Variants in MIEF1 observed in about 807,000 individuals in gnomAD.
The protein encoded by MIEF1 is mitochondrial elongation factor 1.
In MIEF1, 14 loss-of-function variants were observed where a neutral mutation model predicts 35.1. That is an observed-to-expected ratio of 0.40 (90% CI 0.26 to 0.62). The LOEUF (loss-of-function observed/expected upper bound fraction) is 0.62. Ranked by LOEUF, MIEF1 falls within the 20% of genes least tolerant of loss-of-function variation. The pLI is 0.43. For missense variants in MIEF1, 542 were observed against 615.4 expected, an observed-to-expected ratio of 0.88 and a Z score of 1.26; for synonymous variants, 245 against 254.3, an observed-to-expected ratio of 0.96 and a Z score of 0.35.
chr22:39,503,942 G>C (rs1929884773), intron 1 of MIEF1: 1 of 308,212 alleles, frequency 3.2e-6, no homozygotes, highest in Non-Finnish European at 5.9e-6. Context: ...TGCTCAGCGG[G>C]GGTTCAGTCC....
Position 39,515,734 on chromosome 22 carries a change from G to A in MIEF1, c.*1411G>A, listed in dbSNP as rs1204433558. ...TCTTGGTTTGTGTTTTTCCCTGTTT[G>A]TAGCAAGACTCTGATGATAATTCTG... is the stretch of plus-strand genomic sequence containing the variant. On this transcript the variant is annotated 3_prime_UTR_variant, in exon 6 of 6. Coordinates refer to ENST00000325301, the MANE Select transcript of MIEF1 (RefSeq NM_019008.6). 1 of 207,974 alleles carries A rather than the reference G, an allele frequency of 4.8e-6. No individual in the cohort carries two copies. The highest frequency in any genetic ancestry group is 9.7e-6 in the Non-Finnish European group (1 of 103,186). 12.9% of individuals were successfully genotyped at this position (207,974 alleles called of 1,614,324 possible).
chr22:39,515,395 C>G lies in MIEF1; in HGVS notation c.*1072C>G, dbSNP rs992040151. ...CTAGGATGTGGCCTTAGAGCAAGAA[C>G]AGACCCAACAGCCAGCCCTTCATCC... On this transcript the variant is annotated 3_prime_UTR_variant, in exon 6 of 6. Coordinates refer to ENST00000325301, the MANE Select transcript of MIEF1 (RefSeq NM_019008.6). The G allele has an allele frequency of 4.2e-6, 3 of 710,062 alleles. No homozygotes were observed. Among genetic ancestry groups the G allele is most frequent in the African/African-American group, 3.5e-5 (2 of 57,064 alleles). 44.0% of individuals were successfully genotyped at this position (710,062 alleles called of 1,614,324 possible).
Position 39,514,524 on chromosome 22 carries a change from A to G in MIEF1, c.*201A>G, listed in dbSNP as rs563265972. The G allele has an allele frequency of 7.6e-5, 46 of 608,608 alleles. 1 individual carries two copies. The South Asian group carries it at 8.3e-4, about 11-fold the overall frequency. The allele number at this position is 608,608 out of a possible 1,614,324, so 37.7% of individuals were successfully genotyped here. On this transcript the variant is annotated 3_prime_UTR_variant, in exon 6 of 6. Transcript: ENST00000325301. ...CCAACTCTTCCTATTTTTGTTACCAATCACTGTGCTCTCTGCCGCCCCCTG... is the reference window on the plus strand; with the variant it reads ...CCAACTCTTCCTATTTTTGTTACCAGTCACTGTGCTCTCTGCCGCCCCCTG...
chr22:39,507,286 C>T (rs770536337), intron 2 of MIEF1, among the ~76,000 whole-genome samples: 13 of 151,924 alleles, frequency 8.6e-5, no homozygotes, highest in Non-Finnish European at 1.8e-4. Context: ...GCTCTGTCAC[C>T]CAGGCTGGAG....
In MIEF1 at chr22:39,507,540, C is replaced by T. The variant is rs565804688; in HGVS notation, c.-8+3006C>T. On this transcript the variant is annotated intron_variant, in intron 2 of 5. Transcript: ENST00000325301. ...GATTACAGGCGTGAGCCACCGTACC[C>T]GGCCGAAAAGGCTTAACAAGCTGGC... Among the ~76,000 whole-genome samples the T allele has an allele frequency of 4.0e-5, 6 of 151,640 alleles. No individual in the cohort carries two copies. The East Asian group carries it at 8.0e-4, about 20-fold the overall frequency.
intron 2 of MIEF1, among the ~76,000 whole-genome samples, chr22:39,510,210 G>A (rs193006920): frequency 4.6e-4 from 70 of 152,140 alleles, no homozygotes; most frequent in Admixed American, 1.0e-3. Flanking sequence ...CGCCTGCCTC[G>A]GCCTCCCAAA....
chr22:39,513,395 C>T (rs1044152904), intron 5 of MIEF1, 122 bp from the exon 6 acceptor site: 59 of 1,041,964 alleles, frequency 5.7e-5, no homozygotes, highest in Non-Finnish European at 7.5e-5. Context: ...TGGGCCACTG[C>T]GCCCGGCCTA....
chr22:39,506,626 A>G lies in MIEF1; in HGVS notation c.-8+2092A>G, dbSNP rs546430723. Among the ~76,000 whole-genome samples the G allele has an allele frequency of 2.6e-5, 4 of 152,330 alleles. No individual in the cohort carries two copies. In the South Asian group the frequency reaches 6.2e-4, roughly 24 times the overall value. On this transcript the variant is annotated intron_variant, in intron 2 of 5. Transcript: ENST00000325301. ...GCAAGATAGGTTTATAAAAAGGCCT[A>G]TGGCTTTTTCAATTAAAATAAGTTG...
intron 2 of MIEF1, among the ~76,000 whole-genome samples, chr22:39,508,653 C>T (rs1414821292): frequency 1.3e-5 from 2 of 152,156 alleles, no homozygotes; most frequent in Non-Finnish European, 1.5e-5. Flanking sequence ...TAAATACAAA[C>T]GTTATCTCTT....
At chr22:39,510,108 G>A (rs1419196005) in intron 2 of MIEF1, among the ~76,000 whole-genome samples, 2 of 152,024 alleles carry the variant, frequency 1.3e-5, no homozygotes, top group Non-Finnish European at 2.9e-5. Context: ...ACAGGCATGC[G>A]CTGTCACATC....
chr22:39,505,340 G>A (rs1929964880), intron 2 of MIEF1, among the ~76,000 whole-genome samples: 1 of 152,188 alleles, frequency 6.6e-6, no homozygotes, highest in Non-Finnish European at 1.5e-5. Context: ...ATGTACCAAT[G>A]TGCTCAGCTA....
Position 39,512,357 on chromosome 22 carries a change from C to G in MIEF1, c.448C>G (p.Pro150Ala), listed in dbSNP as rs752393975. The G allele has an allele frequency of 6.2e-7, 1 of 1,614,236 alleles. No homozygotes were observed. The highest frequency in any genetic ancestry group is 1.1e-5 in the South Asian group (1 of 91,090). The change falls in exon 5 of 6, where the codon CCT becomes GCT. Residue 150 changes from proline to alanine, a missense_variant. Pro to Ala is a conservative substitution (Grantham distance 27). Transcript: ENST00000325301. ...TTACTACCGGAACCGGGCAGCCATC[C>G]CTGCTGGAGAGCAGGCTCGGGCCAA... The part of the protein sequence containing the change: ...LTYYRNRAAI[P>A]AGEQARAKQA...
In MIEF1 at chr22:39,514,016, T is replaced by C. The variant is rs1569020505; in HGVS notation, c.1085T>C (p.Leu362Pro). The C allele has an allele frequency of 6.2e-7, 1 of 1,613,604 alleles. No homozygotes were observed. The highest frequency in any genetic ancestry group is 8.5e-7 in the Non-Finnish European group (1 of 1,180,030). The stretch of plus-strand genomic sequence containing the variant: ...CAGGCTGACTCGGGCTGCCGATCTC[T>C]GTGCCTCAAGATCCTCAAGGCCATA... ...LDQADSGCRSLCLKILKAICK... is the reference protein window; with the variant it reads ...LDQADSGCRSPCLKILKAICK... Residue 362 changes from leucine to proline, a missense_variant, in exon 6 of 6, where the codon CTG becomes CCG. Leu to Pro is a moderately conservative substitution (Grantham distance 98, BLOSUM62 -3). Coordinates refer to ENST00000325301, the MANE Select transcript of MIEF1 (RefSeq NM_019008.6).
intron 2 of MIEF1, among the ~76,000 whole-genome samples, chr22:39,509,870 G>T (rs1329221596): frequency 6.6e-6 from 1 of 152,192 alleles, no homozygotes; most frequent in Non-Finnish European, 1.5e-5. Context: ...AATAAGGGCC[G>T]ATTTGATTTG....
At chr22:39,503,884 A>G (rs1929880450) in intron 1 of MIEF1, 1 of 185,348 alleles carries the variant, frequency 5.4e-6, no homozygotes, top group Non-Finnish European at 1.1e-5. Context: ...TGTGGTAGGT[A>G]CTATTGCCAT....
chr22:39,503,418 T>C (rs1425276270), intron 1 of MIEF1: 1 of 152,230 alleles, frequency 6.6e-6, no homozygotes, highest in Non-Finnish European at 1.5e-5. Flanking sequence ...ACCTTCTAGA[T>C]TCTTAATTTA....
rs539661189 is a variant in MIEF1 at position 39,507,218 on chromosome 22, C to CG, written c.-8+2690dup. ...TGTCAGTCCGTCCTTGGATGGTGGG[C>CG]GGGGGGTGCCTATTGCACTACAGTA... On this transcript the variant is annotated intron_variant, in intron 2 of 5. Transcript: ENST00000325301. 4.5e-4 allele frequency among the ~76,000 whole-genome samples: 68 copies of CG among 152,146 alleles called. No homozygotes were observed. The East Asian group carries it at 0.011, about 24-fold the overall frequency.
At chr22:39,503,863 A>C (rs980134148) in intron 1 of MIEF1, 1 of 165,930 alleles carries the variant, frequency 6.0e-6, no homozygotes, top group African/African-American at 2.4e-5. Context: ...ACAGTTCTCA[A>C]AATAATCCTA....
At chr22:39,502,642 A>C (rs1426713014) in intron 1 of MIEF1, among the ~76,000 whole-genome samples, 1 of 151,458 alleles carries the variant, frequency 6.6e-6, no homozygotes, top group African/African-American at 2.4e-5. Flanking sequence ...GGAGACCTCC[A>C]GTGCCCCGAA....
Sources: gnomAD v4.1 joint callset for allele counts (sites outside exome capture counted in the v4.1 genomes callset) on GRCh38, gnomAD v4.1.1 for gene constraint, MANE v1.5 for transcripts, NCBI Gene and HGNC (gene_info 2026-07-23, HGNC 2026-07-21) for gene names.